The following LAMA4 variants were observed in gnomAD, a reference collection of about 807,000 sequenced individuals.
LAMA4 encodes laminin subunit alpha-4.
A neutral mutation model predicts 207.1 loss-of-function variants in LAMA4; 127 were observed. That is an observed-to-expected ratio of 0.61 (90% CI 0.53 to 0.71). The LOEUF (loss-of-function observed/expected upper bound fraction) is 0.71, where lower values mean the gene tolerates loss of function less well. Among genes scored for constraint, LAMA4 ranks in the 30% least tolerant of loss-of-function variants. LAMA4 has a pLI of 0.00. For synonymous variants in LAMA4, 761 were observed against 816.0 expected (o/e 0.93, Z 1.15); for missense variants, 2,093 against 2,246.5 (o/e 0.93, Z 1.38).
chr6:112,155,717 A>T lies in LAMA4; in HGVS notation c.1818-11T>A, dbSNP rs781873115. On this transcript the variant is annotated splice_polypyrimidine_tract_variant and intron_variant, in intron 14 of 38. Coordinates refer to ENST00000230538, the MANE Select transcript of LAMA4 (RefSeq NM_001105206.3). ...GAACTGTGCAACTTCCTGTTAATAA[A>T]CAAACATTGTTATTTCTCCTTCTTA... 1.9e-6 allele frequency: 3 copies of T among 1,613,804 alleles called. No homozygotes were observed. The Admixed American group carries it at 5.0e-5, about 27-fold the overall frequency.
In LAMA4 at chr6:112,136,518, C is replaced by T. The variant is rs545036469; in HGVS notation, c.3283-264G>A. Among the ~76,000 whole-genome samples, 5 of 152,104 alleles carry T rather than the reference C, an allele frequency of 3.3e-5. No homozygotes were observed. The East Asian group carries it at 7.7e-4, about 24-fold the overall frequency. The stretch of plus-strand genomic sequence containing the variant: ...ACCAGCCTGGCCAACATGGCAAAAC[C>T]TTATCTCTACTAAAAATACAAAAAC... On this transcript the variant is annotated intron_variant, in intron 24 of 38. Transcript: ENST00000230538.
intron 2 of LAMA4, among the ~76,000 whole-genome samples, chr6:112,226,098 G>A (rs1412658347): frequency 6.6e-6 from 1 of 152,052 alleles, no homozygotes; most frequent in Admixed American, 6.5e-5. Flanking sequence ...ATTTAGTTCA[G>A]GATCTTGGTG....
chr6:112,253,518 AAT>A, intron 2 of LAMA4: 1 of 466,236 alleles, frequency 2.1e-6, no homozygotes. Context: ...CTTCTTGTCT[AAT>A]ATGAGACAAA....
intron 2 of LAMA4, among the ~76,000 whole-genome samples, chr6:112,242,526 C>T (rs1382676773): frequency 6.6e-6 from 1 of 152,154 alleles, no homozygotes; most frequent in East Asian, 1.9e-4. Context: ...TGCAGATAAA[C>T]AGCCTGGGGA....
chr6:112,211,377 AATT>A (rs1160283956), intron 3 of LAMA4, among the ~76,000 whole-genome samples: 3 of 152,178 alleles, frequency 2.0e-5, no homozygotes, highest in Non-Finnish European at 4.4e-5. Context: ...TAAATTACAA[AATT>A]AAAGATTTTT....
chr6:112,114,650 T>C lies in LAMA4; in HGVS notation c.5206+13A>G. On this transcript the variant is annotated intron_variant, in intron 37 of 38. Coordinates refer to ENST00000230538, the MANE Select transcript of LAMA4 (RefSeq NM_001105206.3). ...TGGGTGTGCAGGCTCCCCAGGGCAGTCAGTTTTCTCACCTGTAATTCTGTG... is the reference window on the plus strand; with the variant it reads ...TGGGTGTGCAGGCTCCCCAGGGCAGCCAGTTTTCTCACCTGTAATTCTGTG... The C allele has an allele frequency of 6.3e-7, 1 of 1,581,922 alleles. No homozygotes were observed. The highest frequency in any genetic ancestry group is 8.7e-7 in the Non-Finnish European group (1 of 1,150,738).
intron 24 of LAMA4, 72 bp from the exon 25 acceptor site, chr6:112,136,326 G>A: frequency 8.6e-7 from 1 of 1,167,688 alleles, no homozygotes; most frequent in Non-Finnish European, 1.3e-6. Context: ...CTGAATTTGA[G>A]AAATAAGACT....
chr6:112,120,187 A>G, intron 33 of LAMA4, 96 bp downstream of exon 33: 1 of 1,019,074 alleles, frequency 9.8e-7, no homozygotes, highest in Non-Finnish European at 1.5e-6. Context: ...AGAATTTTAA[A>G]ATGGATATTT....
At chr6:112,147,934 T>C (rs1404040009) in intron 18 of LAMA4, among the ~76,000 whole-genome samples, 1 of 152,204 alleles carries the variant, frequency 6.6e-6, no homozygotes, top group Non-Finnish European at 1.5e-5. Flanking sequence ...TACCAATCCA[T>C]CTAGTGTTCA....
intron 13 of LAMA4, among the ~76,000 whole-genome samples, chr6:112,160,817 T>C (rs1781010630): frequency 6.6e-6 from 1 of 152,238 alleles, no homozygotes; most frequent in Non-Finnish European, 1.5e-5. Flanking sequence ...TCTTTGAGTA[T>C]TCTAATCCAT....
intron 11 of LAMA4, among the ~76,000 whole-genome samples, chr6:112,174,715 A>T (rs187087656): frequency 8.6e-5 from 13 of 151,976 alleles, no homozygotes; most frequent in African/African-American, 3.1e-4. Context: ...CTGGTCTCGA[A>T]CTCCTGACCT....
intron 38 of LAMA4, among the ~76,000 whole-genome samples, chr6:112,111,771 T>A (rs1404699752): frequency 1.3e-5 from 2 of 152,180 alleles, no homozygotes; most frequent in African/African-American, 4.8e-5. Context: ...CTATTCATTC[T>A]GTGTTTCAGG....
chr6:112,191,866 A>C lies in LAMA4; in HGVS notation c.504-16T>G. Reference sequence around the variant, plus strand: ...GGGAGCACATCTGAAGAGGAATATCACACATTTAAATATTTAGCATCATGG... The same window carrying C: ...GGGAGCACATCTGAAGAGGAATATCCCACATTTAAATATTTAGCATCATGG... On this transcript the variant is annotated splice_polypyrimidine_tract_variant and intron_variant, in intron 5 of 38. Coordinates refer to ENST00000230538, the MANE Select transcript of LAMA4 (RefSeq NM_001105206.3). 2.6e-6 allele frequency: 4 copies of C among 1,555,820 alleles called. No homozygotes were observed. The highest frequency in any genetic ancestry group is 3.5e-6 in the Non-Finnish European group (4 of 1,127,872).
intron 16 of LAMA4, among the ~76,000 whole-genome samples, chr6:112,151,976 A>G (rs1554335858): frequency 6.6e-6 from 1 of 152,122 alleles, no homozygotes; most frequent in Non-Finnish European, 1.5e-5. Flanking sequence ...ATGTTAAACT[A>G]TTCTTGAAAT....
intron 13 of LAMA4, among the ~76,000 whole-genome samples, chr6:112,159,867 A>T (rs1357581255): frequency 6.6e-6 from 1 of 151,878 alleles, no homozygotes; most frequent in Non-Finnish European, 1.5e-5. Context: ...GCTCTGCTCA[A>T]CTCCACCCTT....
At chr6:112,174,586 A>C (rs1206666048) in intron 11 of LAMA4, among the ~76,000 whole-genome samples, 1 of 152,186 alleles carries the variant, frequency 6.6e-6, no homozygotes, top group Non-Finnish European at 1.5e-5. Context: ...TCCGCCTCCC[A>C]GGTTCAAGCG....
At chr6:112,161,566 G>A (rs1583760104) in intron 13 of LAMA4, among the ~76,000 whole-genome samples, 1 of 152,150 alleles carries the variant, frequency 6.6e-6, no homozygotes, top group East Asian at 1.9e-4. Flanking sequence ...ACTCTTCTGG[G>A]GGTAGAATAC....
chr6:112,185,977 TG>T (rs545140841), intron 8 of LAMA4, among the ~76,000 whole-genome samples: 1 of 152,200 alleles, frequency 6.6e-6, no homozygotes, highest in African/African-American at 2.4e-5. Context: ...GTGACTCCCC[TG>T]GGGGGTAGTG....
Position 112,156,673 on chromosome 6 carries a change from A to G in LAMA4, c.1818-967T>C, listed in dbSNP as rs143718062. ...AGTATCATCACCTCATTTGTCAGTA[A>G]CTTCCAGAAGGTCCTCCGTGACCCA... On this transcript the variant is annotated intron_variant, in intron 14 of 38. Coordinates refer to ENST00000230538, the MANE Select transcript of LAMA4 (RefSeq NM_001105206.3). Among the ~76,000 whole-genome samples the G allele has an allele frequency of 5.4e-4, 82 of 152,140 alleles. 1 individual carries two copies. Among genetic ancestry groups the G allele is most frequent in the Middle Eastern group, 3.4e-3 (1 of 294 alleles).
Sources: gnomAD v4.1 joint callset for allele counts (sites outside exome capture counted in the v4.1 genomes callset) on GRCh38, gnomAD v4.1.1 for gene constraint, MANE v1.5 for transcripts, NCBI Gene and HGNC (gene_info 2026-07-23, HGNC 2026-07-21) for gene names.